Variants in GALNT18 observed in about 807,000 individuals in gnomAD.
The protein encoded by GALNT18 is polypeptide N-acetylgalactosaminyltransferase 18.
A neutral mutation model predicts 69.5 loss-of-function variants in GALNT18; 44 were observed. The ratio of observed to expected loss-of-function variants is 0.63; its 90% confidence interval spans 0.50 to 0.81. The LOEUF is 0.81. GALNT18 is among the 40% of genes least tolerant of loss of function. The pLI, the probability that GALNT18 is intolerant of heterozygous loss-of-function variation, is 0.00. For synonymous variants in GALNT18, 364 were observed against 318.2 expected (o/e 1.14, Z -1.53); for missense variants, 715 against 810.0 (o/e 0.88, Z 1.42).
chr11:11,293,263 A>G, intron 9 of GALNT18, 70 bp from the exon 10 acceptor site: 1 of 1,255,840 alleles, frequency 8.0e-7, no homozygotes. Context: ...ATAGGTGGTG[A>G]TTCTTCCAGG....
intron 1 of GALNT18, among the ~76,000 whole-genome samples, chr11:11,576,919 G>A (rs1191086941): frequency 3.9e-5 from 6 of 152,198 alleles, no homozygotes; most frequent in Non-Finnish European, 7.3e-5. Flanking sequence ...AGAGCAGATG[G>A]GGTGGCTGGC....
At chr11:11,306,456 G>A (rs73417646) in intron 9 of GALNT18, among the ~76,000 whole-genome samples, 1,542 of 152,256 alleles carry the variant, frequency 0.01, 28 homozygotes, top group African/African-American at 0.035. Context: ...GCAGATATAA[G>A]TCTCTCTATT....
chr11:11,497,740 T>C lies in GALNT18; in HGVS notation c.236-48804A>G, dbSNP rs977812715. ...GTGCAGATAAATGTGTATGTGCATA[T>C]ACATATTTTCTATATATATATATAT... On this transcript the variant is annotated intron_variant, in intron 1 of 10. Transcript: ENST00000227756. This position sits in a 1 kb window ranked among gnomAD's most constrained non-coding sequence, Gnocchi z 4.2. Among the ~76,000 whole-genome samples the C allele has an allele frequency of 1.4e-4, 16 of 117,834 alleles. No homozygotes were observed. Among genetic ancestry groups the C allele is most frequent in the African/African-American group, 4.8e-4 (15 of 31,280 alleles). The allele number at this position is 117,834 out of a possible 152,430, so 77.3% of individuals were successfully genotyped here.
chr11:11,594,032 G>A (rs752417847), intron 1 of GALNT18, among the ~76,000 whole-genome samples: 32 of 152,248 alleles, frequency 2.1e-4, no homozygotes, highest in South Asian at 6.2e-4. Flanking sequence ...TAGATTCTCC[G>A]TTTTGGAATT....
At chr11:11,365,294 GC>G (rs1445026232) in intron 6 of GALNT18, among the ~76,000 whole-genome samples, 3 of 152,098 alleles carry the variant, frequency 2.0e-5, no homozygotes, top group African/African-American at 7.2e-5. Context: ...ATGGCTTCCA[GC>G]TTCATCCATG....
intron 3 of GALNT18, among the ~76,000 whole-genome samples, chr11:11,424,656 G>A (rs1457718407): frequency 4.6e-5 from 7 of 152,170 alleles, no homozygotes; most frequent in African/African-American, 2.4e-5. Flanking sequence ...ACTACTCACT[G>A]TAATTTAGTC....
At chr11:11,289,060 A>G (rs1413948123) in intron 10 of GALNT18, among the ~76,000 whole-genome samples, 1 of 152,150 alleles carries the variant, frequency 6.6e-6, no homozygotes, top group East Asian at 1.9e-4. Context: ...TCTGAATGCA[A>G]TTTGCAAAGA....
chr11:11,429,623 C>T (rs953417929), intron 3 of GALNT18, among the ~76,000 whole-genome samples: 1 of 118,464 alleles, frequency 8.4e-6, no homozygotes, highest in Admixed American at 9.3e-5. Flanking sequence ...TTTATCATCT[C>T]CATTTTCCAG....
At chr11:11,348,619 G>C (rs771522205) in intron 6 of GALNT18, among the ~76,000 whole-genome samples, 1 of 152,110 alleles carries the variant, frequency 6.6e-6, no homozygotes, top group Non-Finnish European at 1.5e-5. Context: ...AACTGGCCCT[G>C]TCTCTTTCCT....
rs6484888 is a variant in GALNT18 at position 11,413,884 on chromosome 11, G to A, written c.595+18737C>T. 2.3e-3 allele frequency among the ~76,000 whole-genome samples: 351 copies of A among 152,264 alleles called. 3 individuals carry two copies. The highest frequency in any genetic ancestry group is 8.2e-3 in the African/African-American group (341 of 41,548). On this transcript the variant is annotated intron_variant, in intron 3 of 10. Coordinates refer to ENST00000227756, the MANE Select transcript of GALNT18 (RefSeq NM_198516.3). The surrounding 1 kb of genome is among the most constrained non-coding windows in gnomAD (Gnocchi z 4.7). ...TCTATCCAAATGCCCCCTAAAGATCGTCCCTCAGCTGTTTCACAGGCAGGT... is the reference window on the plus strand; with the variant it reads ...TCTATCCAAATGCCCCCTAAAGATCATCCCTCAGCTGTTTCACAGGCAGGT...
At chr11:11,447,178 T>C (rs948320946) in intron 2 of GALNT18, among the ~76,000 whole-genome samples, 1 of 152,142 alleles carries the variant, frequency 6.6e-6, no homozygotes, top group African/African-American at 2.4e-5. Context: ...CTCAGGGCCT[T>C]TGCACTTGCC....
At chr11:11,488,840 G>A (rs1239673840) in intron 1 of GALNT18, among the ~76,000 whole-genome samples, 1 of 152,190 alleles carries the variant, frequency 6.6e-6, no homozygotes, top group Non-Finnish European at 1.5e-5. Context: ...AGAAGGATGA[G>A]TAAGGTCCAA....
Position 11,436,273 on chromosome 11 carries a change from C to T in GALNT18, c.429-3486G>A, listed in dbSNP as rs1208307969. 6.6e-6 allele frequency among the ~76,000 whole-genome samples: 1 copy of T among 152,346 alleles called. No homozygotes were observed. Among genetic ancestry groups the T allele is most frequent in the East Asian group, 1.9e-4 (1 of 5,178 alleles). On this transcript the variant is annotated intron_variant, in intron 2 of 10. Coordinates refer to ENST00000227756, the MANE Select transcript of GALNT18 (RefSeq NM_198516.3). This position sits in a 1 kb window ranked among gnomAD's most constrained non-coding sequence, Gnocchi z 4.5. ...GAATAAGGAAATGGGAAGAAAGGAT[C>T]ACTCAGATGGCTTCTCTCCACAAGA...
At chr11:11,423,504 G>C (rs1325763457) in intron 3 of GALNT18, among the ~76,000 whole-genome samples, 1 of 152,154 alleles carries the variant, frequency 6.6e-6, no homozygotes, top group Non-Finnish European at 1.5e-5. Flanking sequence ...AAGCCTCTAT[G>C]CAACCCATCT....
Position 11,413,025 on chromosome 11 carries a change from C to T in GALNT18, c.595+19596G>A, listed in dbSNP as rs763367758. 3.3e-5 allele frequency among the ~76,000 whole-genome samples: 5 copies of T among 152,156 alleles called. No homozygotes were observed. Among genetic ancestry groups the T allele is most frequent in the Non-Finnish European group, 7.3e-5 (5 of 68,030 alleles). ...TTTACACCTATTTCCCAGAGTATCC[C>T]AAAAGGATTAAGATCTTCCCACAGT... On this transcript the variant is annotated intron_variant, in intron 3 of 10. Coordinates refer to ENST00000227756, the MANE Select transcript of GALNT18 (RefSeq NM_198516.3). The surrounding 1 kb of genome is among the most constrained non-coding windows in gnomAD (Gnocchi z 4.7).
At position 11,614,817 on chromosome 11, in the gene GALNT18, C is replaced by G. The variant is rs1461280910; in HGVS notation, c.235+6542G>C. Among the ~76,000 whole-genome samples the G allele has an allele frequency of 3.3e-5, 5 of 152,192 alleles. No individual in the cohort carries two copies. The highest frequency in any genetic ancestry group is 7.3e-5 in the Non-Finnish European group (5 of 68,038). On this transcript the variant is annotated intron_variant, in intron 1 of 10. Transcript: ENST00000227756. This position sits in a 1 kb window ranked among gnomAD's most constrained non-coding sequence, Gnocchi z 5.6. ...CTCCTTGAGATTCTCCACCAACCTA[C>G]TTATCAAGGGAAAATAACAATTTAT... is the stretch of plus-strand genomic sequence containing the variant.
At chr11:11,475,625 C>T (rs1478712333) in intron 1 of GALNT18, 1 of 152,230 alleles carries the variant, frequency 6.6e-6, no homozygotes, top group East Asian at 1.9e-4. Context: ...CTTAACAATG[C>T]TAAGTGCTTA....
Position 11,420,749 on chromosome 11 carries a change from A to G in GALNT18, c.595+11872T>C, listed in dbSNP as rs542193437. On this transcript the variant is annotated intron_variant, in intron 3 of 10. Transcript: ENST00000227756. ...TTCCTGCTGGCTGCACTGTGGCCCT[A>G]AGTAATGTTCCCTGGCCCTTTCTAG... Among the ~76,000 whole-genome samples, 5 of 152,220 alleles carry G rather than the reference A, an allele frequency of 3.3e-5. No homozygotes were observed. In the South Asian group the frequency reaches 1.0e-3, roughly 32 times the overall value.
chr11:11,395,353 C>A (rs567993724), intron 3 of GALNT18, among the ~76,000 whole-genome samples: 1 of 152,360 alleles, frequency 6.6e-6, no homozygotes, highest in East Asian at 1.9e-4. Context: ...GTGGCCTTGG[C>A]CTGCTTCAGT....
Sources: gnomAD v4.1 joint callset for allele counts (sites outside exome capture counted in the v4.1 genomes callset) on GRCh38, gnomAD v4.1.1 for gene constraint, Gnocchi (gnomAD v3.1) non-coding constraint, MANE v1.5 for transcripts, NCBI Gene and HGNC (gene_info 2026-07-23, HGNC 2026-07-21) for gene names.